PTGER3: variants seen among roughly 807,000 people sequenced by gnomAD.
The protein encoded by PTGER3 is prostaglandin E2 receptor EP3 subtype.
In PTGER3, 22 loss-of-function variants were observed where a neutral mutation model predicts 34.7. That is an observed-to-expected ratio of 0.63 (90% CI 0.45 to 0.91). The LOEUF is 0.91. Among genes scored for constraint, PTGER3 ranks in the 40% least tolerant of loss-of-function variants. PTGER3 has a pLI of 0.00. For missense variants in PTGER3, 468 were observed against 519.4 expected, an observed-to-expected ratio of 0.90 and a Z score of 0.96; for synonymous variants, 241 against 230.1, an observed-to-expected ratio of 1.05 and a Z score of -0.43.
intron 2 of PTGER3, among the ~76,000 whole-genome samples, chr1:71,003,484 A>G (rs1160909920): frequency 6.6e-6 from 1 of 152,178 alleles, no homozygotes; most frequent in East Asian, 1.9e-4. Context: ...AAACTAAAAC[A>G]ACATCTTTAT....
At chr1:70,968,054 C>T (rs1652709568), downstream of PTGER3, among the ~76,000 whole-genome samples, 1 of 152,106 alleles carries the variant, frequency 6.6e-6, no homozygotes, top group African/African-American at 2.4e-5. Flanking sequence ...GTTCACATTA[C>T]CCTGGTCCAA....
Position 70,922,677 on chromosome 1 carries a change from A to G in PTGER3, c.*23+31086T>C, listed in dbSNP as rs1301223950. Among the ~76,000 whole-genome samples, 4 of 152,284 alleles carry G rather than the reference A, an allele frequency of 2.6e-5. No homozygotes were observed. The East Asian group carries it at 5.8e-4, about 22-fold the overall frequency. On this transcript the variant is annotated intron_variant, in intron 4 of 4. Coordinates refer to the PTGER3 transcript ENST00000370931. ...AACACCATAACATGTATCTGAGACTACTAAAAAAAAACCAGTTCTATACAC... is the reference window on the plus strand; with the variant it reads ...AACACCATAACATGTATCTGAGACTGCTAAAAAAAAACCAGTTCTATACAC...
At position 71,047,671 on chromosome 1, in the gene PTGER3, G is replaced by C; in HGVS notation, c.-94C>G. On this transcript the variant is annotated 5_prime_UTR_variant, in exon 1 of 4. Transcript: ENST00000306666. ...GCGGCGGCGGAGGTCGGCGTTTACC[G>C]CGGCTGGGGCTGGGCTGCCCCCCAT... 1 of 1,390,958 alleles carries C rather than the reference G, an allele frequency of 7.2e-7. No individual in the cohort carries two copies. Among genetic ancestry groups the C allele is most frequent in the Non-Finnish European group, 9.5e-7 (1 of 1,047,272 alleles). The allele number at this position is 1,390,958 out of a possible 1,614,324, so 86.2% of individuals were successfully genotyped here. A position where few individuals can be genotyped will look rare whatever the true frequency, so the allele number is the denominator to read the frequency against.
In PTGER3 at chr1:71,047,142, A is replaced by G; in HGVS notation, c.436T>C (p.Phe146Leu). 1 of 1,601,730 alleles carries G rather than the reference A, an allele frequency of 6.2e-7. No homozygotes were observed. The change falls in exon 1 of 4, where the codon TTC becomes CTC. Residue 146 changes from phenylalanine (F) to leucine (L), a missense_variant. By Grantham distance (22) the Phe-to-Leu change is conservative. This residue lies in a region of PTGER3 where 53 missense variants were observed against 93.9 expected (regional missense o/e 0.56). Coordinates refer to ENST00000306666, the MANE Select transcript of PTGER3 (RefSeq NM_198719.2). ...TCGACGGCCATGGCGCTGGCGATGA[A>G]CAACGAGGAGAGCCCGAAAACAGTC... ...TMTVFGLSSLFIASAMAVERA... is the reference protein window; with the variant it reads ...TMTVFGLSSLLIASAMAVERA...
intron 2 of PTGER3, among the ~76,000 whole-genome samples, chr1:70,983,882 GA>G (rs1654639955): frequency 6.6e-6 from 1 of 152,068 alleles, no homozygotes; most frequent in South Asian, 2.1e-4. Context: ...GAACCATGAG[GA>G]AACAGCCATA....
At chr1:70,868,158 C>T (rs917401767) in intron 4 of PTGER3, among the ~76,000 whole-genome samples, 4 of 151,952 alleles carry the variant, frequency 2.6e-5, no homozygotes, top group African/African-American at 9.7e-5. Context: ...TTCACCCAGT[C>T]CCGTTTTTCC....
chr1:71,011,105 A>G, intron 2 of PTGER3: 6 of 985,770 alleles, frequency 6.1e-6, no homozygotes, highest in Non-Finnish European at 7.2e-6. Flanking sequence ...AAGAAGTGCA[A>G]TTCCCAAAAC....
In PTGER3 at chr1:70,994,092, A is replaced by G. The variant is rs149418345; in HGVS notation, c.1077+18213T>C. On this transcript the variant is annotated intron_variant, in intron 2 of 3. Transcript: ENST00000306666. Reference sequence around the variant, plus strand: ...TTTGCCAGTTGCTCTGTTCCTGCCAACCACAGCTACCCTTCTCTCTTCTAG... The same window carrying G: ...TTTGCCAGTTGCTCTGTTCCTGCCAGCCACAGCTACCCTTCTCTCTTCTAG... Among the ~76,000 whole-genome samples, 406 of 152,300 alleles carry G rather than the reference A, an allele frequency of 2.7e-3. 8 individuals carry two copies. Among genetic ancestry groups the G allele is most frequent in the African/African-American group, 9.4e-3 (390 of 41,550 alleles).
chr1:70,897,540 C>T (rs1047193649), intron 4 of PTGER3, among the ~76,000 whole-genome samples: 2 of 152,110 alleles, frequency 1.3e-5, no homozygotes, highest in Admixed American at 6.5e-5. Context: ...ATGACTCCCA[C>T]GTGTCTGCTG....
chr1:70,894,247 T>C (rs1646678250), intron 4 of PTGER3, among the ~76,000 whole-genome samples: 1 of 135,478 alleles, frequency 7.4e-6, no homozygotes, highest in South Asian at 2.4e-4. Context: ...GGGCGGAGGT[T>C]GCAGTGAGCC....
At chr1:70,972,099 G>A (rs1184200978) in intron 3 of PTGER3, among the ~76,000 whole-genome samples, 6 of 152,108 alleles carry the variant, frequency 3.9e-5, no homozygotes, top group African/African-American at 9.7e-5. Context: ...AGGCCGAGGC[G>A]AGTGGATCAT....
At chr1:70,962,442 C>T (rs1652028415) in intron 2 of PTGER3, among the ~76,000 whole-genome samples, 1 of 150,846 alleles carries the variant, frequency 6.6e-6, no homozygotes, top group East Asian at 1.9e-4. Flanking sequence ...TAGTCTGTTC[C>T]CTCACTGCCA....
At chr1:70,874,423 C>T (rs1646229901) in intron 4 of PTGER3, among the ~76,000 whole-genome samples, 1 of 152,216 alleles carries the variant, frequency 6.6e-6, no homozygotes, top group Non-Finnish European at 1.5e-5. Flanking sequence ...TCTTTTCCCT[C>T]CCCAGCTCCT....
chr1:71,006,583 AATAATCTTGAGATAAT>A (rs1330081538), intron 2 of PTGER3: 2 of 980,274 alleles, frequency 2.0e-6, no homozygotes, highest in Non-Finnish European at 2.4e-6. Context: ...TGTTAAGAAC[AATAATCTTGAGATAAT>A]AAAACAAAGA....
intron 2 of PTGER3, among the ~76,000 whole-genome samples, chr1:70,995,870 T>C (rs962487410): frequency 1.2e-4 from 18 of 152,226 alleles, no homozygotes; most frequent in Non-Finnish European, 5.9e-5. Context: ...GTTAATATTG[T>C]CTATAAATGA....
chr1:71,040,987 G>A (rs1452777360), intron 1 of PTGER3, among the ~76,000 whole-genome samples: 1 of 152,194 alleles, frequency 6.6e-6, no homozygotes, highest in Non-Finnish European at 1.5e-5. Context: ...TCTGTGTAAA[G>A]AGAGCAGGGT....
intron 4 of PTGER3, among the ~76,000 whole-genome samples, chr1:70,937,722 G>A (rs1419574376): frequency 6.6e-6 from 1 of 151,962 alleles, no homozygotes; most frequent in African/African-American, 2.4e-5. Flanking sequence ...AAAACATACT[G>A]TTTCTTTATC....
At chr1:70,966,669 A>G (rs2100654715), downstream of PTGER3, among the ~76,000 whole-genome samples, 1 of 151,838 alleles carries the variant, frequency 6.6e-6, no homozygotes, top group East Asian at 1.9e-4. Flanking sequence ...CTCAATGTTC[A>G]GCTCCCACTT....
At position 71,047,387 on chromosome 1, in the gene PTGER3, A is replaced by C. The variant is rs1374103504; in HGVS notation, c.191T>G (p.Val64Gly). 8 of 1,611,442 alleles carry C rather than the reference A, an allele frequency of 5.0e-6. No homozygotes were observed. Among genetic ancestry groups the C allele is most frequent in the Non-Finnish European group, 6.8e-6 (8 of 1,179,578 alleles). Reference sequence around the variant, plus strand: ...GAGCAGCATGGCCAGTGCGTTGCCCACGAAACCAGTGAGCAGCATGGTGAT... The same window carrying C: ...GAGCAGCATGGCCAGTGCGTTGCCCCCGAAACCAGTGAGCAGCATGGTGAT... ...FPITMLLTGFVGNALAMLLVS... is the reference protein window; with the variant it reads ...FPITMLLTGFGGNALAMLLVS... The change falls in exon 1 of 4, where the codon GTG (valine) becomes GGG (glycine). Residue 64 changes from valine to glycine, a missense_variant. Physicochemically the swap from Val to Gly is moderately radical, Grantham distance 109. Transcript: ENST00000306666.
Sources: allele counts gnomAD v4.1 joint callset (sites outside exome capture counted in the v4.1 genomes callset), GRCh38; gene constraint gnomAD v4.1.1; regional missense constraint gnomAD v4.1.1; transcripts MANE v1.5; gene names NCBI Gene and HGNC (gene_info 2026-07-23, HGNC 2026-07-21).